DCBLD2: variants seen among roughly 807,000 people sequenced by gnomAD.
DCBLD2 encodes the protein discoidin, CUB and LCCL domain-containing protein 2.
DCBLD2 carries 54 observed loss-of-function variants against 86.8 expected under a neutral mutation model. The ratio of observed to expected loss-of-function variants is 0.62; its 90% confidence interval spans 0.50 to 0.78. The LOEUF (loss-of-function observed/expected upper bound fraction) is 0.78. Ranked by LOEUF, DCBLD2 falls within the 30% of genes least tolerant of loss-of-function variation. The pLI is 0.00. For synonymous variants in DCBLD2, 354 were observed against 341.3 expected, an observed-to-expected ratio of 1.04 and a Z score of -0.41; for missense variants, 908 against 954.2, an observed-to-expected ratio of 0.95 and a Z score of 0.64.
intron 3 of DCBLD2, among the ~76,000 whole-genome samples, chr3:98,829,146 ATATTT>A (rs1487065878): frequency 2.0e-5 from 3 of 151,992 alleles, no homozygotes; most frequent in African/African-American, 7.3e-5. Context: ...GTATATACAG[ATATTT>A]TATTATTTAA....
intron 9 of DCBLD2, chr3:98,813,518 G>A (rs893413614): frequency 6.6e-6 from 1 of 152,190 alleles, no homozygotes; most frequent in African/African-American, 2.4e-5. Flanking sequence ...ACAGGAATGA[G>A]CCACTGCACC....
chr3:98,849,146 G>T (rs1373817346), intron 3 of DCBLD2, among the ~76,000 whole-genome samples: 1 of 143,136 alleles, frequency 7.0e-6, no homozygotes, highest in Non-Finnish European at 1.5e-5. Flanking sequence ...TCCAGCCTGG[G>T]CAACAAGAGC....
At chr3:98,800,743 A>T in intron 14 of DCBLD2, 27 bp from the exon 15 acceptor site, 1 of 1,613,634 alleles carries the variant, frequency 6.2e-7, no homozygotes, top group Non-Finnish European at 8.5e-7. Flanking sequence ...AGCCAAAGAG[A>T]CCATTAAATA....
intron 3 of DCBLD2, among the ~76,000 whole-genome samples, chr3:98,826,609 A>G (rs1299213473): frequency 6.6e-6 from 1 of 152,068 alleles, no homozygotes; most frequent in East Asian, 1.9e-4. Flanking sequence ...AAGCAAAATC[A>G]CTCTATAAAG....
intron 3 of DCBLD2, among the ~76,000 whole-genome samples, chr3:98,836,562 A>G (rs1942454274): frequency 6.6e-6 from 1 of 150,646 alleles, no homozygotes; most frequent in Non-Finnish European, 1.5e-5. Flanking sequence ...TTTCTATTCC[A>G]CAAAGCCGCC....
At chr3:98,827,118 C>T (rs1279929212) in intron 3 of DCBLD2, among the ~76,000 whole-genome samples, 2 of 152,124 alleles carry the variant, frequency 1.3e-5, no homozygotes, top group Non-Finnish European at 2.9e-5. Context: ...AAACCACAGG[C>T]ATTTGAATGA....
chr3:98,896,344 CTGAAA>C (rs1324197399), intron 1 of DCBLD2, among the ~76,000 whole-genome samples: 1 of 152,140 alleles, frequency 6.6e-6, no homozygotes, highest in Admixed American at 6.5e-5. Context: ...ACATTTTGAA[CTGAAA>C]TACTTTCTCA....
At chr3:98,848,107 T>G (rs1355537230) in intron 3 of DCBLD2, among the ~76,000 whole-genome samples, 1 of 152,196 alleles carries the variant, frequency 6.6e-6, no homozygotes, top group African/African-American at 2.4e-5. Context: ...TAGTTATTTT[T>G]CCTGATCCTC....
intron 1 of DCBLD2, among the ~76,000 whole-genome samples, chr3:98,891,608 A>T (rs1168495180): frequency 6.6e-6 from 1 of 152,094 alleles, no homozygotes; most frequent in African/African-American, 2.4e-5. Context: ...AACGAAGTTC[A>T]AATGCTTCAG....
intron 1 of DCBLD2, among the ~76,000 whole-genome samples, chr3:98,891,649 C>T (rs1943663522): frequency 6.6e-6 from 1 of 152,064 alleles, no homozygotes; most frequent in Non-Finnish European, 1.5e-5. Flanking sequence ...TAATCTGGCC[C>T]CTGATTCCCT....
At chr3:98,896,151 T>C (rs941843307) in intron 1 of DCBLD2, among the ~76,000 whole-genome samples, 1 of 152,250 alleles carries the variant, frequency 6.6e-6, no homozygotes, top group African/African-American at 2.4e-5. Flanking sequence ...CACGTTCAGC[T>C]GGTGAATGAT....
At chr3:98,841,421 T>C (rs1196655279) in intron 3 of DCBLD2, among the ~76,000 whole-genome samples, 1 of 152,216 alleles carries the variant, frequency 6.6e-6, no homozygotes, top group African/African-American at 2.4e-5. Context: ...GCTAGAGAAC[T>C]TTGTAACTGT....
At chr3:98,860,455 TG>T (rs1943019373) in intron 2 of DCBLD2, among the ~76,000 whole-genome samples, 1 of 105,742 alleles carries the variant, frequency 9.5e-6, no homozygotes, top group African/African-American at 4.0e-5. Flanking sequence ...AAGGAAAAAA[TG>T]ATGAGAGCAG....
Position 98,800,573 on chromosome 3 carries a change from A to G in DCBLD2, c.1858+6T>C. On this transcript the variant is annotated splice_donor_region_variant and intron_variant, in intron 15 of 15. Transcript: ENST00000326840. ...GCCTGGTACCAGAAGGCTGCAACATAGTTACCTGCAGAGTCAGCCTGCAGC... is the reference window on the plus strand; with the variant it reads ...GCCTGGTACCAGAAGGCTGCAACATGGTTACCTGCAGAGTCAGCCTGCAGC... 1 of 1,610,968 alleles carries G rather than the reference A, an allele frequency of 6.2e-7. No individual in the cohort carries two copies. Among genetic ancestry groups the G allele is most frequent in the Non-Finnish European group, 8.5e-7 (1 of 1,178,266 alleles).
intron 2 of DCBLD2, among the ~76,000 whole-genome samples, chr3:98,869,987 T>A (rs2107510116): frequency 6.6e-6 from 1 of 152,348 alleles, no homozygotes; most frequent in Non-Finnish European, 1.5e-5. Context: ...AAAATAATAA[T>A]CATAGGGTGC....
At chr3:98,870,806 A>AAAGAAAGGAAGGAAGG (rs1559794682) in intron 2 of DCBLD2, among the ~76,000 whole-genome samples, 4 of 123,296 alleles carry the variant, frequency 3.2e-5, no homozygotes, top group Admixed American at 1.6e-4. Context: ...AGAAAGAAAG[A>AAAGAAAGGAAGGAAGG]AAGAAAGGTA....
chr3:98,883,252 G>A (rs1469718261), intron 1 of DCBLD2, among the ~76,000 whole-genome samples: 4 of 152,190 alleles, frequency 2.6e-5, no homozygotes, highest in South Asian at 2.1e-4. Flanking sequence ...CACTATGTAC[G>A]AAAGATTATG....
intron 4 of DCBLD2, 42 bp from the exon 5 acceptor site, chr3:98,822,783 T>C: frequency 6.6e-7 from 1 of 1,519,204 alleles, no homozygotes; most frequent in South Asian, 1.3e-5. Context: ...AATGCTGTAT[T>C]TTACAGGGAA....
At chr3:98,831,957 C>T (rs114825899) in intron 3 of DCBLD2, among the ~76,000 whole-genome samples, 2,198 of 152,200 alleles carry the variant, frequency 0.014, 53 homozygotes, top group African/African-American at 0.051. Flanking sequence ...CTATTAGATA[C>T]ATTTGGTCCA....
Sources: allele counts gnomAD v4.1 joint callset (sites outside exome capture counted in the v4.1 genomes callset), GRCh38; gene constraint gnomAD v4.1.1; transcripts MANE v1.5; gene names NCBI Gene and HGNC (gene_info 2026-07-23, HGNC 2026-07-21).